Variants in COL9A1 observed in about 807,000 individuals in gnomAD.
The protein encoded by COL9A1 is collagen alpha-1(IX) chain.
COL9A1 carries 104 observed loss-of-function variants against 142.6 expected under a neutral mutation model. The ratio of observed to expected loss-of-function variants is 0.73; its 90% confidence interval spans 0.62 to 0.86. The LOEUF is 0.86. COL9A1 is among the 40% of genes least tolerant of loss of function. The probability of loss-of-function intolerance (pLI) is 0.00; values close to 1 mark genes in which losing one functional copy is unlikely to be tolerated. For missense variants in COL9A1, 1,210 were observed against 1,176.6 expected (o/e 1.03, Z -0.42); for synonymous variants, 466 against 396.0 (o/e 1.18, Z -2.10).
chr6:70,227,714 G>A (rs1190430544), intron 36 of COL9A1, among the ~76,000 whole-genome samples: 1 of 152,078 alleles, frequency 6.6e-6, no homozygotes, highest in Non-Finnish European at 1.5e-5. Flanking sequence ...CTGCAGCCTT[G>A]CCATAATAGC....
At chr6:70,227,270 G>A (rs1378246634) in intron 36 of COL9A1, among the ~76,000 whole-genome samples, 2 of 151,446 alleles carry the variant, frequency 1.3e-5, no homozygotes, top group African/African-American at 4.9e-5. Flanking sequence ...AATATGAAGG[G>A]TTCCTAAAAT....
intron 20 of COL9A1, chr6:70,258,580 G>A (rs971400002): frequency 2.0e-5 from 3 of 152,142 alleles, no homozygotes; most frequent in Non-Finnish European, 4.4e-5. Context: ...ACCTGAAAAA[G>A]ACCTTGAATT....
chr6:70,233,082 G>A (rs1475320118), intron 35 of COL9A1, among the ~76,000 whole-genome samples: 3 of 152,164 alleles, frequency 2.0e-5, no homozygotes, highest in Non-Finnish European at 4.4e-5. Flanking sequence ...TGGGGTGAAC[G>A]ATGTTCTGGA....
chr6:70,272,580 A>G (rs1772478494), intron 12 of COL9A1, among the ~76,000 whole-genome samples: 1 of 152,180 alleles, frequency 6.6e-6, no homozygotes. Flanking sequence ...CCCTTTTGAA[A>G]GGTTGGGCTA....
At chr6:70,240,049 C>G (rs1414007033) in intron 32 of COL9A1, among the ~76,000 whole-genome samples, 1 of 152,096 alleles carries the variant, frequency 6.6e-6, no homozygotes, top group Non-Finnish European at 1.5e-5. Flanking sequence ...ATCTATTACC[C>G]TACCCCAAAG....
At chr6:70,264,776 G>A (rs1003061562) in intron 18 of COL9A1, among the ~76,000 whole-genome samples, 2 of 151,978 alleles carry the variant, frequency 1.3e-5, no homozygotes, top group African/African-American at 4.8e-5. Flanking sequence ...CATAAGTATT[G>A]ACCTGCTGTA....
chr6:70,263,561 G>A (rs1383651075), intron 18 of COL9A1, among the ~76,000 whole-genome samples: 1 of 151,838 alleles, frequency 6.6e-6, no homozygotes, highest in Non-Finnish European at 1.5e-5. Flanking sequence ...TTCTTTCAAA[G>A]TTTTTCTAAA....
chr6:70,215,849 G>T (rs935527717), downstream of COL9A1: 10 of 151,710 alleles, frequency 6.6e-5, no homozygotes, highest in Admixed American at 4.6e-4. Flanking sequence ...GCATGCAGCT[G>T]CACATCTTTC....
intron 37 of COL9A1, among the ~76,000 whole-genome samples, chr6:70,223,409 G>A (rs971476677): frequency 2.0e-5 from 3 of 152,232 alleles, no homozygotes; most frequent in Non-Finnish European, 2.9e-5. Flanking sequence ...GAAAACTGAG[G>A]TGTAGAGAAA....
At chr6:70,236,171 AGTATG>A in intron 33 of COL9A1, among the ~76,000 whole-genome samples, 1 of 151,590 alleles carries the variant, frequency 6.6e-6, no homozygotes, top group African/African-American at 2.4e-5. Flanking sequence ...AACTTACTTA[AGTATG>A]AAGGAAGTTA....
chr6:70,293,407 G>A (rs1404298323), intron 5 of COL9A1, among the ~76,000 whole-genome samples: 2 of 152,120 alleles, frequency 1.3e-5, no homozygotes, highest in African/African-American at 4.8e-5. Flanking sequence ...GTGTCAACAT[G>A]TAATTCCTTA....
chr6:70,256,845 A>C, intron 20 of COL9A1, 24 bp from the exon 21 acceptor site: 1 of 1,612,254 alleles, frequency 6.2e-7, no homozygotes, highest in Non-Finnish European at 8.5e-7. Context: ...AGACAATGGA[A>C]AAAAACTGAG....
At chr6:70,220,704 A>C (rs763228947) in intron 37 of COL9A1, among the ~76,000 whole-genome samples, 4 of 152,192 alleles carry the variant, frequency 2.6e-5, no homozygotes, top group Non-Finnish European at 5.9e-5. Flanking sequence ...ATCACTCAAA[A>C]AGTGAAGCTG....
intron 17 of COL9A1, 77 bp downstream of exon 17, chr6:70,268,727 G>A (rs556890100): frequency 1.5e-6 from 2 of 1,337,538 alleles, no homozygotes; most frequent in East Asian, 2.3e-5. Flanking sequence ...TCTGCACCAG[G>A]AAGGCTAATG....
At chr6:70,250,741 G>A (rs116586621) in intron 28 of COL9A1, among the ~76,000 whole-genome samples, 6,927 of 152,212 alleles carry the variant, frequency 0.046, 324 homozygotes, top group East Asian at 0.14. Context: ...TGGCTATTCC[G>A]CAGCCTTTGA....
chr6:70,234,235 AGTGTGT>A (rs71538408), intron 35 of COL9A1, among the ~76,000 whole-genome samples: 1 of 146,942 alleles, frequency 6.8e-6, no homozygotes, highest in African/African-American at 2.5e-5. Context: ...AAAGGAAAAA[AGTGTGT>A]GTGTGTGTGT....
chr6:70,260,713 G>A lies in COL9A1; in HGVS notation c.1396-3C>T. On this transcript the variant is annotated splice_region_variant and splice_polypyrimidine_tract_variant and intron_variant, in intron 19 of 37. Transcript: ENST00000357250. ...ATGCCTCGCAAACCCTGGGCTCCCT[G>A]GAAATGTGAAAAAGAGAAGTGAATT... 2 of 1,613,564 alleles carry A rather than the reference G, an allele frequency of 1.2e-6. No individual in the cohort carries two copies. The highest frequency in any genetic ancestry group is 1.7e-6 in the Non-Finnish European group (2 of 1,179,794).
At position 70,272,208 on chromosome 6, in the gene COL9A1, TA is replaced by T. The variant is rs555162169; in HGVS notation, c.1066-121del. ...CTATTACTAAAAATGATGCTCATTC[TA>T]AAGAAAGCACTGAATAAAGAAAAGC... On this transcript the variant is annotated intron_variant, in intron 12 of 37. Transcript: ENST00000357250. The T allele has an allele frequency of 4.5e-4, 350 of 781,348 alleles. 3 individuals are homozygous for T. The East Asian group carries it at 9.6e-3, about 21-fold the overall frequency. The allele number at this position is 781,348 out of a possible 1,614,324, so 48.4% of individuals were successfully genotyped here.
chr6:70,298,407 G>C (rs1186734212), intron 4 of COL9A1, among the ~76,000 whole-genome samples: 2 of 152,316 alleles, frequency 1.3e-5, no homozygotes, highest in East Asian at 3.9e-4. Flanking sequence ...ACATGTCTGA[G>C]TCTCTAACTT....
Sources: gnomAD v4.1 joint callset for allele counts (sites outside exome capture counted in the v4.1 genomes callset) on GRCh38, gnomAD v4.1.1 for gene constraint, MANE v1.5 for transcripts, NCBI Gene and HGNC (gene_info 2026-07-23, HGNC 2026-07-21) for gene names.